Variants in MYRIP observed in about 807,000 individuals in gnomAD.
MYRIP encodes the protein myosin VIIA and Rab interacting protein, also known as rab effector MyRIP.
Under a neutral mutation model 98.0 loss-of-function variants are expected in MYRIP, and 49 were observed. That is an observed-to-expected ratio of 0.50 (90% CI 0.40 to 0.63). MYRIP has a LOEUF of 0.63. Among genes scored for constraint, MYRIP ranks in the 30% least tolerant of loss-of-function variants. The probability of loss-of-function intolerance (pLI) is 0.00; values close to 1 mark genes in which losing one functional copy is unlikely to be tolerated. For missense variants in MYRIP, 1,004 were observed against 1,058.2 expected (o/e 0.95, Z 0.71); for synonymous variants, 404 against 409.5 (o/e 0.99, Z 0.16).
At chr3:40,100,452 CATAAA>C (rs1277143960) in intron 3 of MYRIP, among the ~76,000 whole-genome samples, 1 of 152,122 alleles carries the variant, frequency 6.6e-6, no homozygotes, top group African/African-American at 2.4e-5. Context: ...AGAAATAAAT[CATAAA>C]GGAAGAGCAT....
At chr3:40,104,892 C>A (rs1949025286) in intron 3 of MYRIP, among the ~76,000 whole-genome samples, 1 of 152,146 alleles carries the variant, frequency 6.6e-6, no homozygotes, top group Admixed American at 6.5e-5. Flanking sequence ...TTTAAGGAGT[C>A]AAGACTTGTT....
chr3:40,036,203 G>T (rs1038658788), intron 2 of MYRIP, among the ~76,000 whole-genome samples: 1 of 130,890 alleles, frequency 7.6e-6, no homozygotes, highest in Non-Finnish European at 1.6e-5. Flanking sequence ...GAACACTACA[G>T]AAAATTTAAA....
chr3:40,208,755 C>T (rs899924672), intron 10 of MYRIP, among the ~76,000 whole-genome samples: 1 of 152,206 alleles, frequency 6.6e-6, no homozygotes, highest in Non-Finnish European at 1.5e-5. Flanking sequence ...TAATCCTCAA[C>T]CCCTCCCATC....
chr3:39,974,758 T>A (rs1227377266), intron 2 of MYRIP, among the ~76,000 whole-genome samples: 3 of 152,162 alleles, frequency 2.0e-5, no homozygotes, highest in Non-Finnish European at 2.9e-5. Context: ...TGCAAATCAA[T>A]AAACATAATC....
At chr3:39,875,087 G>A (rs1356447887) in intron 1 of MYRIP, among the ~76,000 whole-genome samples, 1 of 152,124 alleles carries the variant, frequency 6.6e-6, no homozygotes, top group African/African-American at 2.4e-5. Flanking sequence ...TATGTGTCCA[G>A]GAATTTATCC....
At chr3:40,224,791 A>T (rs1952442132) in intron 11 of MYRIP, among the ~76,000 whole-genome samples, 1 of 152,244 alleles carries the variant, frequency 6.6e-6, no homozygotes, top group Non-Finnish European at 1.5e-5. Context: ...AATCTCTGTT[A>T]TGTGTAAATG....
chr3:40,005,548 G>A (rs547074682), intron 2 of MYRIP, among the ~76,000 whole-genome samples: 79 of 152,328 alleles, frequency 5.2e-4, no homozygotes, highest in Middle Eastern at 6.8e-3. Context: ...ACAGATGAAA[G>A]TATTGAAACA....
At chr3:40,253,800 A>G (rs1394567924) in intron 16 of MYRIP, among the ~76,000 whole-genome samples, 1 of 152,212 alleles carries the variant, frequency 6.6e-6, no homozygotes, top group Non-Finnish European at 1.5e-5. Flanking sequence ...CAACTAAGTG[A>G]GTAACATCCT....
intron 3 of MYRIP, among the ~76,000 whole-genome samples, chr3:40,089,525 T>A (rs1285696581): frequency 6.6e-6 from 1 of 152,202 alleles, no homozygotes; most frequent in Non-Finnish European, 1.5e-5. Flanking sequence ...AACATAGCAG[T>A]GGAACTGGAG....
chr3:39,954,510 T>A (rs1423191670), intron 2 of MYRIP, among the ~76,000 whole-genome samples: 1 of 152,106 alleles, frequency 6.6e-6, no homozygotes, highest in Non-Finnish European at 1.5e-5. Context: ...CAAAACCCCA[T>A]CTGTACGTCA....
chr3:39,856,278 A>G (rs1942292364), intron 1 of MYRIP, among the ~76,000 whole-genome samples: 6 of 152,198 alleles, frequency 3.9e-5, no homozygotes, highest in South Asian at 4.1e-4. Flanking sequence ...GGAGCAAACA[A>G]TCACAGTGTG....
At chr3:39,883,483 A>T (rs1403504863) in intron 1 of MYRIP, among the ~76,000 whole-genome samples, 1 of 152,146 alleles carries the variant, frequency 6.6e-6, no homozygotes, top group African/African-American at 2.4e-5. Flanking sequence ...CTGAGTTATC[A>T]GACACAGATT....
intron 3 of MYRIP, among the ~76,000 whole-genome samples, chr3:40,137,280 C>G (rs1273506146): frequency 6.6e-6 from 1 of 152,210 alleles, no homozygotes; most frequent in Non-Finnish European, 1.5e-5. Context: ...ACTAGAAAAT[C>G]TAGAAGAAAT....
chr3:39,892,527 T>C (rs1276000890), intron 1 of MYRIP, among the ~76,000 whole-genome samples: 1 of 152,168 alleles, frequency 6.6e-6, no homozygotes, highest in Non-Finnish European at 1.5e-5. Context: ...TTAATCTATG[T>C]AAGTTATGTA....
intron 1 of MYRIP, among the ~76,000 whole-genome samples, chr3:39,851,271 T>C (rs990582706): frequency 6.6e-6 from 1 of 152,202 alleles, no homozygotes; most frequent in Admixed American, 6.5e-5. Flanking sequence ...CAATGAAGTC[T>C]CTACCTCCTG....
chr3:39,959,249 A>C (rs1378241421), intron 2 of MYRIP, among the ~76,000 whole-genome samples: 1 of 152,222 alleles, frequency 6.6e-6, no homozygotes, highest in Non-Finnish European at 1.5e-5. Flanking sequence ...CACTATTCAC[A>C]ATAGCAAAGA....
intron 1 of MYRIP, among the ~76,000 whole-genome samples, chr3:39,853,446 C>A (rs1257172568): frequency 6.6e-6 from 1 of 152,114 alleles, no homozygotes; most frequent in Non-Finnish European, 1.5e-5. Flanking sequence ...TGATTATGAC[C>A]ATTCTTGCAG....
At chr3:39,907,141 A>G (rs532479794) in intron 2 of MYRIP, among the ~76,000 whole-genome samples, 5 of 152,174 alleles carry the variant, frequency 3.3e-5, no homozygotes, top group African/African-American at 4.8e-5. Flanking sequence ...TTTAGTGTTC[A>G]TCATCAAAGG....
chr3:39,879,765 C>T (rs972030187), intron 1 of MYRIP, among the ~76,000 whole-genome samples: 15 of 152,270 alleles, frequency 9.9e-5, no homozygotes, highest in Admixed American at 2.0e-4. Context: ...AGATTTTTCA[C>T]GGTTCACTGG....
Sources: allele counts gnomAD v4.1 joint callset (sites outside exome capture counted in the v4.1 genomes callset), GRCh38; gene constraint gnomAD v4.1.1; transcripts MANE v1.5; gene names NCBI Gene and HGNC (gene_info 2026-07-23, HGNC 2026-07-21).